The following ST3GAL3 variants were observed in gnomAD, a reference collection of about 807,000 sequenced individuals.
The protein encoded by ST3GAL3 is CMP-N-acetylneuraminate-beta-1,4-galactoside alpha-2,3-sialyltransferase.
A neutral mutation model predicts 50.1 loss-of-function variants in ST3GAL3; 21 were observed. That is an observed-to-expected ratio of 0.42 (90% CI 0.30 to 0.60). ST3GAL3 has a LOEUF of 0.60. Ranked by LOEUF, ST3GAL3 falls within the 20% of genes least tolerant of loss-of-function variation. The pLI is 0.19. For missense variants in ST3GAL3, 353 were observed against 489.4 expected, an observed-to-expected ratio of 0.72 and a Z score of 2.63; for synonymous variants, 183 against 190.0, an observed-to-expected ratio of 0.96 and a Z score of 0.30.
intron 1 of ST3GAL3, among the ~76,000 whole-genome samples, chr1:43,724,045 C>T (rs897131462): frequency 2.0e-5 from 3 of 152,058 alleles, no homozygotes; most frequent in Admixed American, 2.0e-4. Flanking sequence ...AGATAGCACC[C>T]TGAGCTGCTC....
Position 43,883,802 on chromosome 1 carries a change from A to G in ST3GAL3, c.303-10581A>G, listed in dbSNP as rs183321553. ...CCTTATCTTGAAGGGACAGTTACTT[A>G]TGGTTCTCTTCTCTTCTGTGCCTTT... is the stretch of plus-strand genomic sequence containing the variant. On this transcript the variant is annotated intron_variant, in intron 5 of 11. Coordinates refer to ENST00000347631, the MANE Select transcript of ST3GAL3 (RefSeq NM_006279.5). Among the ~76,000 whole-genome samples the G allele has an allele frequency of 2.1e-3, 327 of 152,226 alleles. 5 individuals are homozygous for G. Among genetic ancestry groups the G allele is most frequent in the Admixed American group, 0.02 (309 of 15,290 alleles).
intron 2 of ST3GAL3, among the ~76,000 whole-genome samples, chr1:43,752,409 A>G (rs946138084): frequency 6.6e-6 from 1 of 152,212 alleles, no homozygotes; most frequent in Non-Finnish European, 1.5e-5. Flanking sequence ...CTCAGTAACA[A>G]TACTTGATAT....
intron 4 of ST3GAL3, among the ~76,000 whole-genome samples, chr1:43,817,685 CCTT>C (rs1294748298): frequency 2.8e-3 from 381 of 138,262 alleles, no homozygotes; most frequent in African/African-American, 0.01. Flanking sequence ...CCTTCTCCTT[CCTT>C]CTTCTTCTCC....
intron 5 of ST3GAL3, among the ~76,000 whole-genome samples, chr1:43,892,957 A>G (rs2076872304): frequency 6.6e-6 from 1 of 152,198 alleles, no homozygotes; most frequent in Admixed American, 6.5e-5. Flanking sequence ...CACAAGAAAT[A>G]TGCATTACCC....
intron 9 of ST3GAL3, among the ~76,000 whole-genome samples, chr1:43,904,965 T>TCC (rs1272327774): frequency 4.0e-4 from 7 of 17,402 alleles, no homozygotes; most frequent in African/African-American, 1.3e-3. Context: ...CTTCCTCCCC[T>TCC]TCCTGCTCCT....
chr1:43,818,486 T>C (rs1165282960), intron 4 of ST3GAL3, among the ~76,000 whole-genome samples: 1 of 152,174 alleles, frequency 6.6e-6, no homozygotes, highest in Non-Finnish European at 1.5e-5. Context: ...GAGGAAGACA[T>C]ACACATTCCT....
At chr1:43,887,191 A>G (rs1003207947) in intron 5 of ST3GAL3, among the ~76,000 whole-genome samples, 6 of 152,324 alleles carry the variant, frequency 3.9e-5, no homozygotes, top group African/African-American at 1.4e-4. Flanking sequence ...CGCCTCATAA[A>G]TTTGTGGTGG....
chr1:43,810,400 C>T (rs1380410329), intron 3 of ST3GAL3, among the ~76,000 whole-genome samples: 4 of 152,032 alleles, frequency 2.6e-5, no homozygotes, highest in Non-Finnish European at 4.4e-5. Context: ...ACGGGTAGGC[C>T]GGGTGGTTGG....
At chr1:43,916,824 C>T (rs923561328) in intron 9 of ST3GAL3, 2 of 152,172 alleles carry the variant, frequency 1.3e-5, no homozygotes, top group Non-Finnish European at 2.9e-5. Flanking sequence ...ATCCTCTCAC[C>T]TCAGCCTGCC....
chr1:43,711,630 A>G (rs1038068451), intron 1 of ST3GAL3, among the ~76,000 whole-genome samples: 3 of 152,226 alleles, frequency 2.0e-5, no homozygotes, highest in Admixed American at 2.0e-4. Flanking sequence ...GCATGGGGTA[A>G]TGGTAGATTC....
rs192671359 is a variant in ST3GAL3, at chr1:43,761,460, A to G, written c.118+25080A>G. Reference sequence around the variant, plus strand: ...CCAGAAGGATGTATTTAGATATGAAATGACATGGTGTCAGGGACTTGTTTT... The same window carrying G: ...CCAGAAGGATGTATTTAGATATGAAGTGACATGGTGTCAGGGACTTGTTTT... On this transcript the variant is annotated intron_variant, in intron 2 of 11. Transcript: ENST00000347631. Among the ~76,000 whole-genome samples, 516 of 152,200 alleles carry G rather than the reference A, an allele frequency of 3.4e-3. 2 individuals are homozygous for G. Among genetic ancestry groups the G allele is most frequent in the African/African-American group, 0.012 (490 of 41,520 alleles).
chr1:43,734,035 G>A (rs1006237508), intron 1 of ST3GAL3, among the ~76,000 whole-genome samples: 1 of 151,946 alleles, frequency 6.6e-6, no homozygotes, highest in African/African-American at 2.4e-5. Context: ...GCTTGAACCC[G>A]GGGAGGTGGA....
chr1:43,870,958 A>G (rs891386842), intron 5 of ST3GAL3, among the ~76,000 whole-genome samples: 4 of 152,172 alleles, frequency 2.6e-5, no homozygotes, highest in Non-Finnish European at 5.9e-5. Flanking sequence ...TAGTCCTCCC[A>G]GTACCGAGGT....
rs554627526 is a variant in ST3GAL3, at chr1:43,882,332, T to C, written c.303-12051T>C. On this transcript the variant is annotated intron_variant, in intron 5 of 11. Transcript: ENST00000347631. ...TACATAGTTGTACGGGGCTAAAGCA[T>C]AGGGAAAGGGAGGAGAAGAGGGGGT... Among the ~76,000 whole-genome samples, 17 of 152,138 alleles carry C rather than the reference T, an allele frequency of 1.1e-4. No homozygotes were observed. The East Asian group carries it at 3.3e-3, about 29-fold the overall frequency.
intron 1 of ST3GAL3, among the ~76,000 whole-genome samples, chr1:43,735,842 T>C (rs1229038581): frequency 6.6e-6 from 1 of 152,216 alleles, no homozygotes; most frequent in Non-Finnish European, 1.5e-5. Flanking sequence ...TCTTGTGCCA[T>C]GTGGAAATGG....
At chr1:43,830,209 AT>A (rs555214206) in intron 4 of ST3GAL3, among the ~76,000 whole-genome samples, 4 of 151,006 alleles carry the variant, frequency 2.6e-5, no homozygotes, top group South Asian at 2.1e-4. Flanking sequence ...ATTAAAAAAA[AT>A]TTTTTTTAAA....
At position 43,798,001 on chromosome 1, in the gene ST3GAL3, G is replaced by T. The variant is rs146540575; in HGVS notation, c.166+5852G>T. On this transcript the variant is annotated intron_variant, in intron 3 of 11. Transcript: ENST00000347631. Reference sequence around the variant, plus strand: ...CAGCTTCCCGAAACCAAATACTTATGTGTAAATGCTTATATATAAATCTGA... The same window carrying T: ...CAGCTTCCCGAAACCAAATACTTATTTGTAAATGCTTATATATAAATCTGA... Among the ~76,000 whole-genome samples the T allele has an allele frequency of 1.8e-3, 276 of 152,314 alleles. 1 individual carries two copies. The highest frequency in any genetic ancestry group is 6.4e-3 in the African/African-American group (264 of 41,568).
intron 5 of ST3GAL3, among the ~76,000 whole-genome samples, chr1:43,854,181 A>G (rs752211450): frequency 7.9e-5 from 12 of 152,158 alleles, no homozygotes; most frequent in Non-Finnish European, 1.5e-4. Context: ...CTGGGAGCAC[A>G]TTGGGCACCC....
At chr1:43,927,515 C>T (rs147567524) in intron 11 of ST3GAL3, among the ~76,000 whole-genome samples, 4 of 152,284 alleles carry the variant, frequency 2.6e-5, no homozygotes, top group Non-Finnish European at 2.9e-5. Context: ...CCATCAAATT[C>T]GTTACTACTT....
Sources: allele counts gnomAD v4.1 joint callset (sites outside exome capture counted in the v4.1 genomes callset), GRCh38; gene constraint gnomAD v4.1.1; transcripts MANE v1.5; gene names NCBI Gene and HGNC (gene_info 2026-07-23, HGNC 2026-07-21).